ANKRD62: variants seen among roughly 807,000 people sequenced by gnomAD.
ANKRD62 encodes ankyrin repeat domain 62, also known as ankyrin repeat domain-containing protein 62.
A neutral mutation model predicts 98.8 loss-of-function variants in ANKRD62; 61 were observed. The observed-to-expected ratio is 0.62, with a 90% CI of 0.50 to 0.76. The LOEUF is 0.76. Among genes scored for constraint, ANKRD62 ranks in the 30% least tolerant of loss-of-function variants. ANKRD62 has a pLI of 0.00. For synonymous variants in ANKRD62, 341 were observed against 367.9 expected, an observed-to-expected ratio of 0.93 and a Z score of 0.84; for missense variants, 933 against 1,082.9, an observed-to-expected ratio of 0.86 and a Z score of 1.94.
At chr18:12,127,234 A>G (rs1244752034) in intron 13 of ANKRD62, among the ~76,000 whole-genome samples, 1 of 152,108 alleles carries the variant, frequency 6.6e-6, no homozygotes, top group Non-Finnish European at 1.5e-5. Context: ...CGGTGGGAGT[A>G]GGGAAGAGAG....
At chr18:12,131,257 G>T (rs1273749791), downstream of ANKRD62, among the ~76,000 whole-genome samples, 1 of 152,130 alleles carries the variant, frequency 6.6e-6, no homozygotes, top group East Asian at 1.9e-4. Flanking sequence ...GATGCAGCAG[G>T]TGTACAAGGA....
the ANKRD62 span, among the ~76,000 whole-genome samples, chr18:12,135,913 G>A: frequency 1.8e-4 from 28 of 152,012 alleles, no homozygotes; most frequent in African/African-American, 6.5e-4. Flanking sequence ...TTGTAATTTT[G>A]TTTGAGTTCT....
the ANKRD62 span, among the ~76,000 whole-genome samples, chr18:12,158,735 C>T: frequency 2.0e-3 from 298 of 150,970 alleles, 2 homozygotes; most frequent in Middle Eastern, 6.9e-3. Flanking sequence ...GGGGTTTCAC[C>T]GTGTTAGCCA....
chr18:12,118,272 T>C (rs1026466621), intron 10 of ANKRD62, among the ~76,000 whole-genome samples: 1 of 152,202 alleles, frequency 6.6e-6, no homozygotes, highest in Non-Finnish European at 1.5e-5. Context: ...ATCCATAGTT[T>C]TACATTTTCC....
At chr18:12,140,020 A>G in the ANKRD62 span, among the ~76,000 whole-genome samples, 4 of 152,136 alleles carry the variant, frequency 2.6e-5, no homozygotes, top group Non-Finnish European at 5.9e-5. Context: ...ACATAGTCCC[A>G]TATTTCTTGG....
the ANKRD62 span, among the ~76,000 whole-genome samples, chr18:12,176,246 G>A: frequency 9.3e-5 from 14 of 151,196 alleles, no homozygotes; most frequent in Non-Finnish European, 7.4e-5. Flanking sequence ...GGCAGGACAA[G>A]GTGTCCTCCA....
At chr18:12,098,176 A>G (rs1265474537) in intron 5 of ANKRD62, among the ~76,000 whole-genome samples, 1 of 152,118 alleles carries the variant, frequency 6.6e-6, no homozygotes, top group African/African-American at 2.4e-5. Context: ...CTTTTCTTAG[A>G]TAGAGGAGGG....
the ANKRD62 span, among the ~76,000 whole-genome samples, chr18:12,161,695 T>A: frequency 5.3e-5 from 8 of 152,096 alleles, no homozygotes; most frequent in African/African-American, 1.7e-4. Context: ...CTTCCCAACC[T>A]CTGGCAACCA....
At chr18:12,165,712 G>A in the ANKRD62 span, among the ~76,000 whole-genome samples, 9 of 151,978 alleles carry the variant, frequency 5.9e-5, no homozygotes, top group African/African-American at 2.2e-4. Context: ...CACTATTCTG[G>A]GGGTTTTGTG....
the ANKRD62 span, among the ~76,000 whole-genome samples, chr18:12,160,904 C>T: frequency 6.6e-6 from 1 of 152,046 alleles, no homozygotes; most frequent in East Asian, 1.9e-4. Context: ...GCTCAAGAAG[C>T]GTGTTAGACC....
the ANKRD62 span, among the ~76,000 whole-genome samples, chr18:12,139,272 G>A: frequency 6.6e-6 from 1 of 152,116 alleles, no homozygotes; most frequent in Non-Finnish European, 1.5e-5. Flanking sequence ...TTGCTTGTCT[G>A]TAAAGTATTT....
At chr18:12,159,006 T>C in the ANKRD62 span, among the ~76,000 whole-genome samples, 11 of 152,204 alleles carry the variant, frequency 7.2e-5, no homozygotes, top group Non-Finnish European at 1.0e-4. Flanking sequence ...CTTCCTATGC[T>C]ATTAACCTGT....
At chr18:12,165,638 G>A in the ANKRD62 span, among the ~76,000 whole-genome samples, 1 of 151,940 alleles carries the variant, frequency 6.6e-6, no homozygotes, top group African/African-American at 2.4e-5. Context: ...TATTGATTTT[G>A]TTTGGTTCAT....
chr18:12,109,626 T>C (rs1909491662), intron 8 of ANKRD62, among the ~76,000 whole-genome samples: 1 of 152,228 alleles, frequency 6.6e-6, no homozygotes, highest in Admixed American at 6.5e-5. Flanking sequence ...ATTGGACCTT[T>C]ATAATAATCT....
chr18:12,159,271 G>T, the ANKRD62 span, among the ~76,000 whole-genome samples: 7 of 152,090 alleles, frequency 4.6e-5, no homozygotes, highest in Non-Finnish European at 1.0e-4. Context: ...ATGATATTTA[G>T]TTCATTTTCT....
chr18:12,139,497 T>A, the ANKRD62 span, among the ~76,000 whole-genome samples: 1 of 151,884 alleles, frequency 6.6e-6, no homozygotes, highest in East Asian at 1.9e-4. Context: ...ACTGAAAAAA[T>A]GAGCCGGACG....
intron 8 of ANKRD62, among the ~76,000 whole-genome samples, chr18:12,111,324 A>T (rs1054511678): frequency 6.6e-6 from 1 of 152,178 alleles, no homozygotes; most frequent in African/African-American, 2.4e-5. Flanking sequence ...AGATAATCAC[A>T]TCTCAATAGA....
Position 12,107,391 on chromosome 18 carries a change from GAATT to G in ANKRD62, c.993_996del (p.Leu331PhefsTer4). 1.3e-6 allele frequency: 2 copies of G among 1,525,204 alleles called. No individual in the cohort carries two copies. The highest frequency in any genetic ancestry group is 1.4e-5 in the African/African-American group (1 of 72,726). The allele number at this position is 1,525,204 out of a possible 1,614,324, so 94.5% of individuals were successfully genotyped here. ...TGACAATTATAATGATGATGTTGAT[GAATT>G]AATTCACAAAATAAAGAACAGAAAA... On this transcript the variant is annotated frameshift_variant, in exon 8 of 14. Coordinates refer to ENST00000587848, the MANE Select transcript of ANKRD62 (RefSeq NM_001277333.2). LOFTEE classifies it high-confidence loss of function.
the ANKRD62 span, among the ~76,000 whole-genome samples, chr18:12,168,965 A>G: frequency 2.0e-5 from 3 of 152,126 alleles, no homozygotes; most frequent in African/African-American, 7.2e-5. Flanking sequence ...AATGCCTGTG[A>G]TTTTTATACA....
Sources: gnomAD v4.1 joint callset for allele counts (sites outside exome capture counted in the v4.1 genomes callset) on GRCh38, gnomAD v4.1.1 for gene constraint, MANE v1.5 for transcripts, NCBI Gene and HGNC (gene_info 2026-07-23, HGNC 2026-07-21) for gene names.